Variants in PCSK5 observed in about 807,000 individuals in gnomAD.
The protein encoded by PCSK5 is proprotein convertase subtilisin/kexin type 5.
A neutral mutation model predicts 233.2 loss-of-function variants in PCSK5; 129 were observed. The ratio of observed to expected loss-of-function variants is 0.55; its 90% CI spans 0.48 to 0.64. The LOEUF is 0.64. PCSK5 is among the 30% of genes least tolerant of loss of function. The pLI, the probability that PCSK5 is intolerant of heterozygous loss-of-function variation, is 0.00. For missense variants in PCSK5, 2,076 were observed against 2,430.1 expected, an observed-to-expected ratio of 0.85 and a Z score of 3.06; for synonymous variants, 825 against 879.2, an observed-to-expected ratio of 0.94 and a Z score of 1.09.
At chr9:76,337,507 A>T (rs949785692) in intron 34 of PCSK5, among the ~76,000 whole-genome samples, 1 of 151,460 alleles carries the variant, frequency 6.6e-6, no homozygotes, top group Non-Finnish European at 1.5e-5. Context: ...GGAGTCTCAC[A>T]TTATCGCCTA....
chr9:76,110,269 T>C (rs1386117178), intron 9 of PCSK5, among the ~76,000 whole-genome samples: 2 of 152,224 alleles, frequency 1.3e-5, no homozygotes, highest in African/African-American at 4.8e-5. Flanking sequence ...GCTGAGCCTT[T>C]GAATGAAAAG....
chr9:75,997,630 T>G (rs940568101), intron 3 of PCSK5, among the ~76,000 whole-genome samples: 9 of 152,204 alleles, frequency 5.9e-5, no homozygotes, highest in African/African-American at 2.2e-4. Context: ...AAACAGGATT[T>G]GATTGCTTAA....
chr9:76,321,474 A>G lies in PCSK5; in HGVS notation c.3937A>G (p.Thr1313Ala). The change falls in exon 31 of 38, where the codon ACA becomes GCA. Residue 1313 changes from threonine (T) to alanine (A), a missense_variant. Around this residue, in one of 6 missense-constraint regions of PCSK5, gnomAD observed 1,510 missense variants for 1,538.1 expected, o/e 0.98. Transcript: ENST00000674117. Reference protein sequence around the residue: ...ICERCSSPCRTCEGNATNCHS... With the variant: ...ICERCSSPCRACEGNATNCHS... ...TGAACGCTGTAGCTCTCCTTGCAGA[A>G]CATGTGAAGGAAACGCCACCAACTG... The G allele has an allele frequency of 6.2e-7, 1 of 1,611,898 alleles. No individual in the cohort carries two copies. The highest frequency in any genetic ancestry group is 8.5e-7 in the Non-Finnish European group (1 of 1,179,034).
intron 7 of PCSK5, among the ~76,000 whole-genome samples, chr9:76,087,777 A>G (rs999038435): frequency 6.6e-6 from 1 of 152,222 alleles, no homozygotes; most frequent in African/African-American, 2.4e-5. Context: ...TTAGTGACCT[A>G]TTGTGTGCAC....
At chr9:76,319,445 A>G (rs1411427371) in intron 30 of PCSK5, among the ~76,000 whole-genome samples, 1 of 148,548 alleles carries the variant, frequency 6.7e-6, no homozygotes, top group African/African-American at 2.5e-5. Flanking sequence ...TCTTTGTTGC[A>G]TTACTAATAT....
chr9:76,345,688 C>T (rs1829961309), intron 35 of PCSK5, among the ~76,000 whole-genome samples: 1 of 152,074 alleles, frequency 6.6e-6, no homozygotes, highest in Admixed American at 6.6e-5. Context: ...TCCCAAAGTG[C>T]TGGGATTACA....
At chr9:76,213,505 T>A (rs939068593) in intron 20 of PCSK5, among the ~76,000 whole-genome samples, 1 of 152,098 alleles carries the variant, frequency 6.6e-6, no homozygotes, top group Non-Finnish European at 1.5e-5. Context: ...CACTCTGTCC[T>A]CACCATTTTG....
chr9:75,928,613 A>ATATATG (rs1823620893), intron 1 of PCSK5, among the ~76,000 whole-genome samples: 2 of 107,432 alleles, frequency 1.9e-5, no homozygotes, highest in Admixed American at 1.7e-4. Flanking sequence ...ATATATATAT[A>ATATATG]TATATATATA....
intron 20 of PCSK5, among the ~76,000 whole-genome samples, chr9:76,191,296 C>T (rs1035946909): frequency 6.6e-5 from 10 of 152,168 alleles, no homozygotes; most frequent in Non-Finnish European, 1.5e-4. Context: ...GAATGTTTCC[C>T]CTTCTGGAAA....
Position 76,296,802 on chromosome 9 carries a change from C to T in PCSK5, c.3460C>T (p.Gln1154Ter), listed in dbSNP as rs1422179469. Residue 1154 changes from glutamine to a stop codon, truncating the protein, a stop_gained, in exon 27 of 38, where the codon CAG (glutamine) becomes TAG (stop). Transcript: ENST00000674117. LOFTEE classifies it high-confidence loss of function. ...GTGCAGCAGCTGCCAGGAAGGACTG[C>T]AGCTGCTGCGTGGGATGTGCGTGCA... ...DECSSCQEGL[Q>*]LLRGMCVHAT... 6.2e-7 allele frequency: 1 copy of T among 1,612,410 alleles called. No homozygotes were observed.
In PCSK5 at chr9:76,331,988, C is replaced by T. The variant is rs190032109; in HGVS notation, c.4571-445C>T. ...GAACAGCAATAAGAGACTAATACGGCGGTGTTTTTCCTTCAGGAAGCTGGG... is the reference window on the plus strand; with the variant it reads ...GAACAGCAATAAGAGACTAATACGGTGGTGTTTTTCCTTCAGGAAGCTGGG... On this transcript the variant is annotated intron_variant, in intron 33 of 37. Transcript: ENST00000674117. Among the ~76,000 whole-genome samples the T allele has an allele frequency of 4.4e-4, 67 of 152,322 alleles. No individual in the cohort carries two copies. The East Asian group carries it at 6.0e-3, about 14-fold the overall frequency.
intron 34 of PCSK5, among the ~76,000 whole-genome samples, chr9:76,334,901 G>T (rs1829633865): frequency 6.6e-6 from 1 of 152,076 alleles, no homozygotes; most frequent in Admixed American, 6.6e-5. Context: ...AACATGGTGA[G>T]ACCCTGTCTC....
chr9:76,247,024 G>T (rs1280008877), intron 24 of PCSK5, among the ~76,000 whole-genome samples: 2 of 152,234 alleles, frequency 1.3e-5, no homozygotes, highest in Non-Finnish European at 2.9e-5. Flanking sequence ...ATTAGAAGCT[G>T]TGGGTCACGG....
At chr9:76,288,300 T>G (rs557113209) in intron 24 of PCSK5, among the ~76,000 whole-genome samples, 1 of 152,216 alleles carries the variant, frequency 6.6e-6, no homozygotes, top group Admixed American at 6.5e-5. Flanking sequence ...AGGACTGGCC[T>G]GTAATACCAG....
At position 76,361,002 on chromosome 9, in the gene PCSK5, A is replaced by T. The variant is rs1026026640; in HGVS notation, c.*2080A>T. Reference sequence around the variant, plus strand: ...TTTATCTTTAAAACAGTTTTCAGAGATCATACATGTACATGTATGATATGC... The same window carrying T: ...TTTATCTTTAAAACAGTTTTCAGAGTTCATACATGTACATGTATGATATGC... On this transcript the variant is annotated 3_prime_UTR_variant, in exon 38 of 38. Coordinates refer to ENST00000674117, the MANE Select transcript of PCSK5 (RefSeq NM_001372043.1). 3 of 152,126 alleles carry T rather than the reference A, an allele frequency of 2.0e-5. No homozygotes were observed. The East Asian group carries it at 5.8e-4, about 29-fold the overall frequency. The allele number at this position is 152,126 out of a possible 1,614,324, so 9.4% of individuals were successfully genotyped here. A position where few individuals can be genotyped will look rare whatever the true frequency, so the allele number is the denominator to read the frequency against.
rs1171840185 is a variant in PCSK5 at position 76,189,639 on chromosome 9, T to G, written c.2519T>G (p.Ile840Ser). 6.2e-7 allele frequency: 1 copy of G among 1,604,994 alleles called. No homozygotes were observed. Among genetic ancestry groups the G allele is most frequent in the East Asian group, 2.2e-5 (1 of 44,784 alleles). The change falls in exon 20 of 38, where the codon ATC becomes AGC. Residue 840 changes from isoleucine to serine, a missense_variant. Physicochemically the swap from Ile to Ser is moderately radical, Grantham distance 142 (BLOSUM62 -2). Coordinates refer to ENST00000674117, the MANE Select transcript of PCSK5 (RefSeq NM_001372043.1). The stretch of plus-strand genomic sequence containing the variant: ...GTACATTTTTCTCATAGATGTGATA[T>G]CAGTTGTTTGACGTGCAATGGCCCA... ...NGYKSCKKCD[I>S]SCLTCNGPGF...
rs71372041 is a variant in PCSK5 at position 76,046,160 on chromosome 9, G to GTTTTTTTT, written c.632+19151_632+19158dup. On this transcript the variant is annotated intron_variant, in intron 5 of 37. Coordinates refer to ENST00000674117, the MANE Select transcript of PCSK5 (RefSeq NM_001372043.1). The stretch of plus-strand genomic sequence containing the variant: ...GCATTAACACATAATTTTTTCTTTT[G>GTTTTTTTT]TTTTTTTTTTTTTTTTTTTTTTTTT... Among the ~76,000 whole-genome samples the GTTTTTTTT allele has an allele frequency of 3.8e-3, 223 of 58,030 alleles. 46 individuals carry two copies. The highest frequency in any genetic ancestry group is 5.8e-3 in the Admixed American group (22 of 3,774). 38.1% of individuals were successfully genotyped at this position (58,030 alleles called of 152,430 possible).
intron 24 of PCSK5, among the ~76,000 whole-genome samples, chr9:76,281,104 G>A (rs1286018054): frequency 6.6e-6 from 1 of 152,250 alleles, no homozygotes; most frequent in East Asian, 1.9e-4. Flanking sequence ...AGTGCGAGGT[G>A]AAGCAGCAAG....
At chr9:75,894,878 A>G (rs1825746261) in intron 1 of PCSK5, among the ~76,000 whole-genome samples, 1 of 152,226 alleles carries the variant, frequency 6.6e-6, no homozygotes, top group African/African-American at 2.4e-5. Context: ...AAGACCTGAC[A>G]TGTTGTTAAT....
Sources: allele counts gnomAD v4.1 joint callset (sites outside exome capture counted in the v4.1 genomes callset), GRCh38; gene constraint gnomAD v4.1.1; regional missense constraint gnomAD v4.1.1; transcripts MANE v1.5; gene names NCBI Gene and HGNC (gene_info 2026-07-23, HGNC 2026-07-21).